DOCK4: variants seen among roughly 807,000 people sequenced by gnomAD.
DOCK4 encodes dedicator of cytokinesis protein 4.
In DOCK4, 97 loss-of-function variants were observed where a neutral mutation model predicts 268.1. The observed-to-expected ratio is 0.36, with a 90% confidence interval of 0.31 to 0.43. DOCK4 has a LOEUF of 0.43. DOCK4 is among the 20% of genes least tolerant of loss of function. DOCK4 has a pLI of 1.00. For missense variants in DOCK4, 2,145 were observed against 2,455.7 expected, an observed-to-expected ratio of 0.87 and a Z score of 2.67; for synonymous variants, 954 against 887.2, an observed-to-expected ratio of 1.08 and a Z score of -1.34.
intron 1 of DOCK4, among the ~76,000 whole-genome samples, chr7:112,128,138 T>C (rs1813411544): frequency 6.6e-6 from 1 of 152,218 alleles, no homozygotes; most frequent in African/African-American, 2.4e-5. Context: ...TAATATCTTC[T>C]GGCAAGGGTA....
At chr7:111,821,032 A>G (rs1198321176) in intron 27 of DOCK4, 1 of 146,466 alleles carries the variant, frequency 6.8e-6, no homozygotes, top group Non-Finnish European at 1.5e-5. Context: ...AGCTATTTCA[A>G]CACTCTCAAT....
chr7:111,848,233 C>G (rs1247890218), intron 23 of DOCK4, among the ~76,000 whole-genome samples: 1 of 152,092 alleles, frequency 6.6e-6, no homozygotes, highest in Non-Finnish European at 1.5e-5. Flanking sequence ...ATTCCCATAC[C>G]TTATCTTCCA....
At chr7:112,158,919 A>T (rs2116472706) in intron 1 of DOCK4, among the ~76,000 whole-genome samples, 1 of 152,276 alleles carries the variant, frequency 6.6e-6, no homozygotes, top group East Asian at 1.9e-4. Flanking sequence ...TTTACACGGC[A>T]GGTAAAGTTC....
chr7:111,935,208 A>G (rs1366237077), intron 12 of DOCK4: 1 of 361,508 alleles, frequency 2.8e-6, no homozygotes, highest in Admixed American at 3.8e-5. Context: ...TCGGCCTCCC[A>G]AAGTGCTGGG....
At chr7:112,102,733 G>C (rs1160215810) in intron 1 of DOCK4, among the ~76,000 whole-genome samples, 1 of 152,180 alleles carries the variant, frequency 6.6e-6, no homozygotes, top group Non-Finnish European at 1.5e-5. Flanking sequence ...AGAACAGTGA[G>C]AAAATATTTG....
chr7:112,018,179 A>AAAAAACAC lies in DOCK4; in HGVS notation c.38-14049_38-14048insGTGTTTTT. Among the ~76,000 whole-genome samples, 14 of 72,630 alleles carry AAAAAACAC rather than the reference A, an allele frequency of 1.9e-4. 3 individuals are homozygous for AAAAAACAC. Among genetic ancestry groups the AAAAAACAC allele is most frequent in the East Asian group, 8.1e-4 (2 of 2,480 alleles). The allele number at this position is 72,630 out of a possible 152,430, so 47.6% of individuals were successfully genotyped here. The stretch of plus-strand genomic sequence containing the variant: ...AAAAAAAAAAAAAAAAAAAAAAAAA[A>AAAAAACAC]ACACAGGCAACCAGTATTCATGTGG... On this transcript the variant is annotated intron_variant, in intron 1 of 52. Coordinates refer to ENST00000428084, the MANE Select transcript of DOCK4 (RefSeq NM_001363540.2).
intron 3 of DOCK4, among the ~76,000 whole-genome samples, chr7:111,999,789 AAT>A (rs983216527): frequency 1.4e-4 from 21 of 151,972 alleles, no homozygotes; most frequent in African/African-American, 4.3e-4. Context: ...CAAAAAAAAA[AAT>A]GACATATATG....
chr7:111,733,599 C>T lies in DOCK4; in HGVS notation c.5420-1312G>A, dbSNP rs1470570614. Reference sequence around the variant, plus strand: ...TTGATTGTTCCCTAGGACCCTCTTCCTCCTGACTCAGGCAGTTGCTGACAC... The same window carrying T: ...TTGATTGTTCCCTAGGACCCTCTTCTTCCTGACTCAGGCAGTTGCTGACAC... On this transcript the variant is annotated intron_variant, in intron 51 of 52. Coordinates refer to ENST00000428084, the MANE Select transcript of DOCK4 (RefSeq NM_001363540.2). 1.3e-5 allele frequency among the ~76,000 whole-genome samples: 2 copies of T among 152,300 alleles called. 1 individual carries two copies. The highest frequency in any genetic ancestry group is 4.8e-5 in the African/African-American group (2 of 41,566).
intron 40 of DOCK4, among the ~76,000 whole-genome samples, chr7:111,759,299 C>T (rs1797233355): frequency 6.6e-6 from 1 of 152,166 alleles, no homozygotes; most frequent in Non-Finnish European, 1.5e-5. Context: ...ATCTGTGTCC[C>T]TAGCCTTCCC....
chr7:112,054,254 A>C (rs897301316), intron 1 of DOCK4, among the ~76,000 whole-genome samples: 2 of 152,194 alleles, frequency 1.3e-5, no homozygotes, highest in Non-Finnish European at 1.5e-5. Flanking sequence ...TCACAAAATA[A>C]TGACTTGCTC....
intron 1 of DOCK4, among the ~76,000 whole-genome samples, chr7:112,205,596 A>T (rs917680830): frequency 6.6e-6 from 1 of 152,050 alleles, no homozygotes; most frequent in Admixed American, 6.5e-5. Flanking sequence ...ACACTCCGGG[A>T]ATGTCGATCC....
chr7:112,064,117 A>G (rs1806705275), intron 1 of DOCK4, among the ~76,000 whole-genome samples: 1 of 152,186 alleles, frequency 6.6e-6, no homozygotes, highest in Non-Finnish European at 1.5e-5. Flanking sequence ...AGGTGCTGGC[A>G]GAGGTATGGG....
At chr7:112,077,926 G>A (rs1270047780) in intron 1 of DOCK4, among the ~76,000 whole-genome samples, 1 of 152,048 alleles carries the variant, frequency 6.6e-6, no homozygotes, top group African/African-American at 2.4e-5. Flanking sequence ...GTCCCAGAAA[G>A]AGAATAATAA....
Position 112,206,389 on chromosome 7 carries a change from T to C in DOCK4, c.-251A>G, listed in dbSNP as rs1390689102. On this transcript the variant is annotated 5_prime_UTR_variant, in exon 1 of 53. Coordinates refer to ENST00000428084, the MANE Select transcript of DOCK4 (RefSeq NM_001363540.2). ...CCCGGGTACCCGGCGGCGCAGTCAT[T>C]GTTCTGATTCACTGAACTAAGCGAA... 3.4e-6 allele frequency: 2 copies of C among 585,160 alleles called. No individual in the cohort carries two copies. The highest frequency in any genetic ancestry group is 3.9e-5 in the African/African-American group (2 of 51,560). The allele number at this position is 585,160 out of a possible 1,614,324, so 36.2% of individuals were successfully genotyped here.
Position 111,728,504 on chromosome 7 carries a change from C to T in DOCK4, c.5698G>A (p.Glu1900Lys). The T allele has an allele frequency of 6.2e-7, 1 of 1,613,234 alleles. No individual in the cohort carries two copies. The highest frequency in any genetic ancestry group is 8.5e-7 in the Non-Finnish European group (1 of 1,179,800). The change falls in exon 53 of 53, where the codon GAG becomes AAG. Residue 1900 changes from glutamate (E) to lysine (K), a missense_variant. Transcript: ENST00000428084. ...GTCTTGCTCTCCTTGCGCACTGGCT[C>T]CTCCCCGCCGTAGCTCGGCACGGGC... ...PVPVPSYGGE[E>K]PVRKESKTPP... is the part of the protein sequence containing the mutation.
At chr7:111,961,690 G>A (rs538476103) in intron 8 of DOCK4, among the ~76,000 whole-genome samples, 3 of 152,230 alleles carry the variant, frequency 2.0e-5, no homozygotes, top group East Asian at 1.9e-4. Context: ...TTATTATAAC[G>A]TATGTGTGAT....
intron 1 of DOCK4, among the ~76,000 whole-genome samples, chr7:112,098,134 A>T (rs112904600): frequency 1.6e-4 from 25 of 152,316 alleles, no homozygotes; most frequent in Non-Finnish European, 3.2e-4. Context: ...TTCTCTAAAA[A>T]TAAACTATTC....
chr7:112,025,036 C>T lies in DOCK4; in HGVS notation c.38-20905G>A, dbSNP rs185583041. ...AAGAAAGTTAGTTTGCATAACACAG[C>T]TGGGTCATTGAGAAAGCACTAATCA... On this transcript the variant is annotated intron_variant, in intron 1 of 52. Transcript: ENST00000428084. 2.2e-3 allele frequency among the ~76,000 whole-genome samples: 330 copies of T among 150,142 alleles called. 11 individuals carry two copies. The East Asian group carries it at 0.05, about 23-fold the overall frequency.
intron 1 of DOCK4, among the ~76,000 whole-genome samples, chr7:112,054,211 A>T (rs1239329174): frequency 6.6e-6 from 1 of 152,174 alleles, no homozygotes; most frequent in Non-Finnish European, 1.5e-5. Flanking sequence ...ACTGTGAGGT[A>T]CAGGAAATGA....
Sources: gnomAD v4.1 joint callset for allele counts (sites outside exome capture counted in the v4.1 genomes callset) on GRCh38, gnomAD v4.1.1 for gene constraint, MANE v1.5 for transcripts, NCBI Gene and HGNC (gene_info 2026-07-23, HGNC 2026-07-21) for gene names.